Variants in CCDC91 observed in about 807,000 individuals in gnomAD.
The protein encoded by CCDC91 is coiled-coil domain-containing protein 91.
CCDC91 carries 48 observed loss-of-function variants against 63.2 expected under a neutral mutation model. The ratio of observed to expected loss-of-function variants is 0.76; its 90% CI spans 0.60 to 0.97. The LOEUF (loss-of-function observed/expected upper bound fraction) is 0.97. Among genes scored for constraint, CCDC91 ranks in the 50% least tolerant of loss-of-function variants. CCDC91 has a pLI of 0.00. For synonymous variants in CCDC91, 167 were observed against 165.8 expected (o/e 1.01, Z -0.06); for missense variants, 500 against 494.6 (o/e 1.01, Z -0.10).
At chr12:28,547,209 T>G (rs1449724029) in intron 12 of CCDC91, among the ~76,000 whole-genome samples, 2 of 152,098 alleles carry the variant, frequency 1.3e-5, no homozygotes, top group African/African-American at 4.8e-5. Context: ...ATTGGTATAT[T>G]CTTCTGTACT....
chr12:28,239,210 A>G (rs1416183008), intron 1 of CCDC91, among the ~76,000 whole-genome samples: 1 of 152,020 alleles, frequency 6.6e-6, no homozygotes, highest in Non-Finnish European at 1.5e-5. Context: ...GAGAATACAT[A>G]TTTTTATATG....
At chr12:28,499,738 C>A (rs1952523061) in intron 12 of CCDC91, among the ~76,000 whole-genome samples, 1 of 152,142 alleles carries the variant, frequency 6.6e-6, no homozygotes, top group Non-Finnish European at 1.5e-5. Flanking sequence ...TTTATCCAGT[C>A]TATCAATGAT....
At chr12:28,415,219 T>C (rs560146143) in intron 8 of CCDC91, among the ~76,000 whole-genome samples, 1 of 138,820 alleles carries the variant, frequency 7.2e-6, no homozygotes, top group Non-Finnish European at 1.6e-5. Context: ...TATTTGTTTG[T>C]AAAGCGGATT....
intron 6 of CCDC91, among the ~76,000 whole-genome samples, chr12:28,312,040 A>T (rs1395003911): frequency 1.3e-5 from 2 of 152,140 alleles, no homozygotes; most frequent in East Asian, 3.9e-4. Flanking sequence ...AGCTCTATTT[A>T]TTGATAGAAA....
intron 3 of CCDC91, among the ~76,000 whole-genome samples, chr12:28,276,336 G>T (rs546544444): frequency 6.6e-6 from 1 of 151,932 alleles, no homozygotes; most frequent in African/African-American, 2.4e-5. Context: ...ATGTCATTTT[G>T]GATTCACTGG....
chr12:28,520,741 T>A (rs1940540522), intron 12 of CCDC91, among the ~76,000 whole-genome samples: 3 of 152,230 alleles, frequency 2.0e-5, no homozygotes, highest in Admixed American at 2.0e-4. Context: ...CTTGAATTAA[T>A]TTTTGTATAA....
intron 1 of CCDC91, among the ~76,000 whole-genome samples, chr12:28,200,816 G>A (rs1464886131): frequency 2.1e-4 from 32 of 151,724 alleles, no homozygotes; most frequent in African/African-American, 6.0e-4. Context: ...GGTGGTGGCC[G>A]GGCAGAGGGG....
At chr12:28,269,394 A>G (rs1947587543) in intron 3 of CCDC91, among the ~76,000 whole-genome samples, 2 of 151,852 alleles carry the variant, frequency 1.3e-5, no homozygotes, top group Admixed American at 1.3e-4. Flanking sequence ...CCCATCAGCA[A>G]TTTCTGTAGT....
At chr12:28,512,455 A>C (rs1939477077) in intron 12 of CCDC91, among the ~76,000 whole-genome samples, 1 of 151,846 alleles carries the variant, frequency 6.6e-6, no homozygotes, top group Non-Finnish European at 1.5e-5. Context: ...CCAGCTATCT[A>C]TCTAGCACAG....
At chr12:28,324,832 T>C (rs1940836204) in intron 6 of CCDC91, among the ~76,000 whole-genome samples, 1 of 151,880 alleles carries the variant, frequency 6.6e-6, no homozygotes, top group Non-Finnish European at 1.5e-5. Flanking sequence ...TTACTTTCCA[T>C]CCCATCTAGA....
chr12:28,515,873 C>CCTCACCTCCCCATCCA (rs1222319230), intron 12 of CCDC91, among the ~76,000 whole-genome samples: 1 of 151,708 alleles, frequency 6.6e-6, no homozygotes, highest in African/African-American at 2.4e-5. Context: ...CATCCCGGAC[C>CCTCACCTCCCCATCCA]CTCACCTCCC....
At chr12:28,268,329 C>T (rs1485340493) in intron 3 of CCDC91, among the ~76,000 whole-genome samples, 1 of 151,916 alleles carries the variant, frequency 6.6e-6, no homozygotes, top group Non-Finnish European at 1.5e-5. Flanking sequence ...TCCCAAAGTG[C>T]TAGGATTACA....
chr12:28,201,835 G>A (rs531552995), intron 1 of CCDC91, among the ~76,000 whole-genome samples: 21 of 144,538 alleles, frequency 1.5e-4, no homozygotes, highest in East Asian at 7.8e-4. Context: ...AGACCAGCCC[G>A]GCCAACACAG....
chr12:28,434,300 AT>A (rs1416725785), intron 8 of CCDC91, among the ~76,000 whole-genome samples: 2 of 151,318 alleles, frequency 1.3e-5, no homozygotes, highest in South Asian at 2.1e-4. Flanking sequence ...TAGTTCGATA[AT>A]TTTTTTTAAA....
intron 12 of CCDC91, among the ~76,000 whole-genome samples, chr12:28,541,014 A>G (rs1371821232): frequency 1.3e-5 from 2 of 152,104 alleles, no homozygotes; most frequent in East Asian, 3.9e-4. Flanking sequence ...CTACAACTTG[A>G]TTACAACTTC....
intron 1 of CCDC91, among the ~76,000 whole-genome samples, chr12:28,229,690 A>G (rs1460110314): frequency 6.6e-6 from 1 of 152,140 alleles, no homozygotes; most frequent in African/African-American, 2.4e-5. Context: ...TTCTTCTTCC[A>G]TCTCTAGTTG....
chr12:28,352,777 C>T (rs2138296973), intron 6 of CCDC91, among the ~76,000 whole-genome samples: 1 of 87,410 alleles, frequency 1.1e-5, no homozygotes, highest in East Asian at 4.1e-4. Context: ...TTTGTTCTTC[C>T]TCTGATAGAA....
At chr12:28,413,529 T>C (rs1947453672) in intron 8 of CCDC91, among the ~76,000 whole-genome samples, 1 of 152,250 alleles carries the variant, frequency 6.6e-6, no homozygotes, top group African/African-American at 2.4e-5. Flanking sequence ...GTTTTACTTA[T>C]TCTTGATGTG....
chr12:28,307,587 CTA>C, intron 5 of CCDC91, 56 bp from the exon 6 acceptor site: 1 of 899,968 alleles, frequency 1.1e-6, no homozygotes. Flanking sequence ...ATTGAAAAAA[CTA>C]ATTATATTTT....
Sources: allele counts gnomAD v4.1 joint callset (sites outside exome capture counted in the v4.1 genomes callset), GRCh38; gene constraint gnomAD v4.1.1; transcripts MANE v1.5; gene names NCBI Gene and HGNC (gene_info 2026-07-23, HGNC 2026-07-21).